Variants in SYT1 observed in about 807,000 individuals in gnomAD.
SYT1 encodes synaptotagmin-1.
A neutral mutation model predicts 44.8 loss-of-function variants in SYT1; 8 were observed. The observed-to-expected ratio is 0.18, with a 90% confidence interval of 0.10 to 0.32. The LOEUF (loss-of-function observed/expected upper bound fraction) is 0.32, where lower values mean the gene tolerates loss of function less well. Ranked by LOEUF, SYT1 falls within the 10% of genes least tolerant of loss-of-function variation. The pLI, the probability that SYT1 is intolerant of heterozygous loss-of-function variation, is 1.00. For missense variants in SYT1, 286 were observed against 509.3 expected, an observed-to-expected ratio of 0.56 and a Z score of 4.22; for synonymous variants, 154 against 188.8, an observed-to-expected ratio of 0.82 and a Z score of 1.51.
chr12:79,228,613 C>T (rs971226293), intron 4 of SYT1, among the ~76,000 whole-genome samples: 2 of 152,052 alleles, frequency 1.3e-5, no homozygotes, highest in African/African-American at 4.8e-5. Flanking sequence ...TGGGGTTTCT[C>T]TTTTAATCCT....
intron 3 of SYT1, among the ~76,000 whole-genome samples, chr12:79,070,974 C>T (rs1404416616): frequency 3.3e-5 from 5 of 152,012 alleles, no homozygotes; most frequent in Non-Finnish European, 5.9e-5. Context: ...AAATAGTCTA[C>T]GCTGTGTGTA....
chr12:79,016,208 C>T (rs922981244), intron 2 of SYT1, among the ~76,000 whole-genome samples: 1 of 152,162 alleles, frequency 6.6e-6, no homozygotes, highest in Non-Finnish European at 1.5e-5. Context: ...ACTATCACAG[C>T]ATCTGTGTGA....
At chr12:79,366,629 A>C (rs1407232674) in intron 9 of SYT1, among the ~76,000 whole-genome samples, 1 of 152,222 alleles carries the variant, frequency 6.6e-6, no homozygotes, top group African/African-American at 2.4e-5. Context: ...GAAAGGGAGC[A>C]GCAACTGGCC....
At chr12:79,053,161 G>A (rs1874650314) in intron 3 of SYT1, among the ~76,000 whole-genome samples, 1 of 152,140 alleles carries the variant, frequency 6.6e-6, no homozygotes, top group African/African-American at 2.4e-5. Flanking sequence ...CATACACCAT[G>A]GAATACTATG....
At chr12:79,060,230 C>T (rs540006038) in intron 3 of SYT1, among the ~76,000 whole-genome samples, 38 of 152,134 alleles carry the variant, frequency 2.5e-4, no homozygotes, top group African/African-American at 8.4e-4. Context: ...AAGTTATCCA[C>T]GTCCCCAAAC....
chr12:79,249,126 C>CTCGCTCTG lies in SYT1; in HGVS notation c.166+31446_166+31453dup, dbSNP rs1295508779. Among the ~76,000 whole-genome samples, 5 of 85,398 alleles carry CTCGCTCTG rather than the reference C, an allele frequency of 5.9e-5. No individual in the cohort carries two copies. In the Admixed American group the frequency reaches 9.5e-4, roughly 16 times the overall value. The allele number at this position is 85,398 out of a possible 152,430, so 56.0% of individuals were successfully genotyped here. The stretch of plus-strand genomic sequence containing the variant: ...TTTTTTTTTTTTTTTGAGACGGAGT[C>CTCGCTCTG]TCGCTCTGTCGCCCAGGCCGGACTG... On this transcript the variant is annotated intron_variant, in intron 4 of 10. Coordinates refer to ENST00000261205, the MANE Select transcript of SYT1 (RefSeq NM_005639.3).
At chr12:79,181,318 AAGTC>A (rs1431506465) in intron 3 of SYT1, among the ~76,000 whole-genome samples, 4 of 152,056 alleles carry the variant, frequency 2.6e-5, no homozygotes, top group African/African-American at 9.7e-5. Flanking sequence ...AAATAAAACA[AAGTC>A]ATTCATAACA....
chr12:78,932,167 T>C (rs1007139515), intron 1 of SYT1, among the ~76,000 whole-genome samples: 1 of 152,230 alleles, frequency 6.6e-6, no homozygotes, highest in African/African-American at 2.4e-5. Context: ...ATCTGTAACA[T>C]CTTTAGAATA....
intron 8 of SYT1, among the ~76,000 whole-genome samples, chr12:79,304,070 C>T (rs1880275420): frequency 6.6e-6 from 1 of 152,150 alleles, no homozygotes; most frequent in Non-Finnish European, 1.5e-5. Flanking sequence ...CATTAATTTG[C>T]ATCCATAGCA....
At chr12:79,339,553 T>C (rs1882263743) in intron 8 of SYT1, among the ~76,000 whole-genome samples, 2 of 152,250 alleles carry the variant, frequency 1.3e-5, no homozygotes, top group South Asian at 4.1e-4. Flanking sequence ...AAGTTCTTTG[T>C]AGATTCTGGA....
chr12:79,449,260 T>C lies in SYT1; in HGVS notation c.*136T>C. The C allele has an allele frequency of 2.1e-6, 2 of 949,132 alleles. No homozygotes were observed. Among genetic ancestry groups the C allele is most frequent in the Non-Finnish European group, 3.1e-6 (2 of 644,990 alleles). The allele number at this position is 949,132 out of a possible 1,614,324, so 58.8% of individuals were successfully genotyped here. A position where few individuals can be genotyped will look rare whatever the true frequency, so the allele number is the denominator to read the frequency against. ...CAATTCAGTGGTACTTGGAATCCTGTTTTAATTTGCACAAATTTAAATGTA... is the reference window on the plus strand; with the variant it reads ...CAATTCAGTGGTACTTGGAATCCTGCTTTAATTTGCACAAATTTAAATGTA... On this transcript the variant is annotated 3_prime_UTR_variant, in exon 11 of 11. Transcript: ENST00000261205.
At chr12:78,916,107 C>T (rs1022179531) in intron 1 of SYT1, among the ~76,000 whole-genome samples, 7 of 151,712 alleles carry the variant, frequency 4.6e-5, no homozygotes, top group Admixed American at 4.6e-4. Flanking sequence ...AGAAATGAAC[C>T]CCAACGGAAG....
chr12:79,354,533 T>A (rs1254749814), intron 9 of SYT1, among the ~76,000 whole-genome samples: 1 of 152,196 alleles, frequency 6.6e-6, no homozygotes, highest in Non-Finnish European at 1.5e-5. Flanking sequence ...TAAAAAGTGC[T>A]ACAGCTGAGC....
chr12:79,019,732 AG>A (rs1401708488), intron 2 of SYT1, among the ~76,000 whole-genome samples: 4 of 152,014 alleles, frequency 2.6e-5, no homozygotes, highest in Admixed American at 1.3e-4. Context: ...TTCATGTCAG[AG>A]AAACATAAAA....
chr12:79,359,205 A>G (rs1247556018), intron 9 of SYT1, among the ~76,000 whole-genome samples: 1 of 152,172 alleles, frequency 6.6e-6, no homozygotes, highest in African/African-American at 2.4e-5. Flanking sequence ...TAACAAAAGT[A>G]TGTCAAGCAT....
intron 9 of SYT1, among the ~76,000 whole-genome samples, chr12:79,387,022 C>T (rs1361947774): frequency 6.6e-6 from 1 of 152,200 alleles, no homozygotes; most frequent in African/African-American, 2.4e-5. Context: ...TGTCACCTGC[C>T]TATTCAGGAA....
At chr12:78,914,459 T>C (rs547731603) in intron 1 of SYT1, among the ~76,000 whole-genome samples, 2 of 126,860 alleles carry the variant, frequency 1.6e-5, no homozygotes, top group African/African-American at 6.4e-5. Context: ...GCATTAAGCC[T>C]ACTATAACAG....
At chr12:79,037,640 T>C (rs953895273) in intron 2 of SYT1, among the ~76,000 whole-genome samples, 4 of 151,814 alleles carry the variant, frequency 2.6e-5, no homozygotes, top group Admixed American at 2.6e-4. Flanking sequence ...AAAATTCTTC[T>C]GCCCTAAATA....
At chr12:79,443,364 T>A (rs1454101601) in intron 9 of SYT1, among the ~76,000 whole-genome samples, 2 of 152,200 alleles carry the variant, frequency 1.3e-5, no homozygotes, top group Non-Finnish European at 2.9e-5. Context: ...CACCATATCA[T>A]CCTTGGTATT....
Sources: gnomAD v4.1 joint callset for allele counts (sites outside exome capture counted in the v4.1 genomes callset) on GRCh38, gnomAD v4.1.1 for gene constraint, MANE v1.5 for transcripts, NCBI Gene and HGNC (gene_info 2026-07-23, HGNC 2026-07-21) for gene names.